The following ADSL variants were observed in gnomAD, a reference collection of about 807,000 sequenced individuals.
The protein encoded by ADSL is adenylosuccinate lyase.
ADSL carries 44 observed loss-of-function variants against 62.1 expected under a neutral mutation model. The ratio of observed to expected loss-of-function variants is 0.71; its 90% confidence interval spans 0.56 to 0.91. The LOEUF is 0.91. ADSL is among the 40% of genes least tolerant of loss of function. The pLI is 0.00. For missense variants in ADSL, 531 were observed against 627.4 expected (o/e 0.85, Z 1.64); for synonymous variants, 198 against 220.5 (o/e 0.90, Z 0.90).
chr22:40,387,079 G>A (rs2048587865), intron 2 of ADSL: 1 of 394,822 alleles, frequency 2.5e-6, no homozygotes, highest in East Asian at 3.6e-5. Context: ...TTGATAACTA[G>A]AGTTGTGCTA....
chr22:40,357,698 C>G (rs1261695426), intron 4 of ADSL, among the ~76,000 whole-genome samples: 2 of 152,248 alleles, frequency 1.3e-5, no homozygotes, highest in African/African-American at 4.8e-5. Flanking sequence ...TACTTCCAAT[C>G]TAGAGCAGCC....
At chr22:40,362,840 T>A (rs1412995137) in intron 9 of ADSL, 141 bp from the exon 10 acceptor site, 1 of 834,230 alleles carries the variant, frequency 1.2e-6, no homozygotes, top group Non-Finnish European at 2.0e-6. Context: ...GATTTGAGGG[T>A]CGTGAGGTTA....
downstream of ADSL, among the ~76,000 whole-genome samples, chr22:40,372,378 G>T (rs1004241125): frequency 8.6e-5 from 13 of 151,990 alleles, no homozygotes; most frequent in Non-Finnish European, 1.3e-4. Context: ...GCCCGCCTCG[G>T]CCTCCCAAAG....
At chr22:40,387,126 C>G (rs180710176) in intron 2 of ADSL, 1 of 397,766 alleles carries the variant, frequency 2.5e-6, no homozygotes, top group Non-Finnish European at 4.4e-6. Context: ...AGGGGTCAGT[C>G]CTTTGCTGAG....
intron 4 of ADSL, among the ~76,000 whole-genome samples, chr22:40,356,381 C>T (rs1372278342): frequency 1.3e-5 from 2 of 150,844 alleles, no homozygotes; most frequent in Non-Finnish European, 3.0e-5. Flanking sequence ...CTAAAAATAA[C>T]ACAAATAGCT....
chr22:40,349,390 T>G (rs941518284), intron 1 of ADSL, among the ~76,000 whole-genome samples: 1 of 151,340 alleles, frequency 6.6e-6, no homozygotes, highest in Non-Finnish European at 1.5e-5. Flanking sequence ...TTTTTTTTTT[T>G]TGGAGACAGA....
At chr22:40,352,389 G>A (rs1001396941) in intron 2 of ADSL, among the ~76,000 whole-genome samples, 3 of 152,106 alleles carry the variant, frequency 2.0e-5, no homozygotes, top group Non-Finnish European at 4.4e-5. Context: ...TTAGCTGGGC[G>A]TGGTGGCGGG....
At chr22:40,363,619 C>T (rs937776529) in intron 10 of ADSL, among the ~76,000 whole-genome samples, 39 of 151,724 alleles carry the variant, frequency 2.6e-4, no homozygotes, top group Non-Finnish European at 2.9e-5. Context: ...GCCTGTAATC[C>T]GAGCTACTCG....
chr22:40,382,662 G>A (rs1382332277), intron 2 of ADSL, among the ~76,000 whole-genome samples: 1 of 152,212 alleles, frequency 6.6e-6, no homozygotes, highest in Non-Finnish European at 1.5e-5. Flanking sequence ...TGGGTTCACG[G>A]GGAGTGGATG....
At chr22:40,382,519 C>T (rs1326295911) in intron 2 of ADSL, among the ~76,000 whole-genome samples, 2 of 152,184 alleles carry the variant, frequency 1.3e-5, no homozygotes, top group Non-Finnish European at 1.5e-5. Flanking sequence ...TACCTCACAG[C>T]ATGGCAGGTG....
At chr22:40,366,383 T>C (rs2045006982) in intron 12 of ADSL, 53 bp from the exon 13 acceptor site, 2 of 1,305,336 alleles carry the variant, frequency 1.5e-6, no homozygotes, top group Admixed American at 3.4e-5. Flanking sequence ...AAAGGTATTA[T>C]CTGCTAATAT....
At chr22:40,362,859 A>G in intron 9 of ADSL, 122 bp from the exon 10 acceptor site, 1 of 965,924 alleles carries the variant, frequency 1.0e-6, no homozygotes, top group South Asian at 1.3e-5. Context: ...TATTGGGGTA[A>G]TCATAAGATT....
chr22:40,363,770 A>G (rs1000694858), intron 10 of ADSL, among the ~76,000 whole-genome samples: 2 of 151,596 alleles, frequency 1.3e-5, no homozygotes, highest in Non-Finnish European at 2.9e-5. Flanking sequence ...CTATGTGGCA[A>G]CTTTTTTTAA....
At chr22:40,350,525 A>G (rs2044305922) in intron 2 of ADSL, among the ~76,000 whole-genome samples, 1 of 152,216 alleles carries the variant, frequency 6.6e-6, no homozygotes, top group Admixed American at 6.5e-5. Context: ...AATGACCTCT[A>G]TAAAATAAGA....
Position 40,367,197 on chromosome 22 carries a change from C to G in ADSL, c.*675C>G, listed in dbSNP as rs1464335449. The G allele has an allele frequency of 2.0e-5, 3 of 152,560 alleles. No individual in the cohort carries two copies. Among genetic ancestry groups the G allele is most frequent in the African/African-American group, 7.2e-5 (3 of 41,560 alleles). The allele number at this position is 152,560 out of a possible 1,614,324, so 9.5% of individuals were successfully genotyped here. A position where few individuals can be genotyped will look rare whatever the true frequency, so the allele number is the denominator to read the frequency against. On this transcript the variant is annotated 3_prime_UTR_variant, in exon 13 of 13. Transcript: ENST00000623063. ...TGTCACCCAGACTAGAGTGCAGTAGCACAATCTTGGCTCACTGCAACCTCC... is the reference window on the plus strand; with the variant it reads ...TGTCACCCAGACTAGAGTGCAGTAGGACAATCTTGGCTCACTGCAACCTCC...
At position 40,386,810 on chromosome 22, in the gene ADSL, C is replaced by T. The variant is rs541542256; in HGVS notation, c.90-3420C>T. Among the ~76,000 whole-genome samples the T allele has an allele frequency of 2.0e-5, 3 of 152,064 alleles. No homozygotes were observed. The East Asian group carries it at 5.8e-4, about 29-fold the overall frequency. The stretch of plus-strand genomic sequence containing the variant: ...CATGACTTTGTGTGAGTCCCTTTGC[C>T]CTGCACCCCAGTACTAAAGAAGTTA... On this transcript the variant is annotated intron_variant, in intron 2 of 2. Transcript: ENST00000498234.
rs529698966 is a variant in ADSL at position 40,368,785 on chromosome 22, G to C, written c.*2263G>C. On this transcript the variant is annotated 3_prime_UTR_variant, in exon 13 of 13. Transcript: ENST00000623063. ...CTACTAAAAATACAATCAACCGGGC[G>C]TGGTGGCAGGCGCCTATAGTCCCAG... The C allele has an allele frequency of 6.6e-6, 1 of 152,190 alleles. No homozygotes were observed. Among genetic ancestry groups the C allele is most frequent in the African/African-American group, 2.4e-5 (1 of 41,432 alleles). 9.4% of individuals were successfully genotyped at this position (152,190 alleles called of 1,614,324 possible).
Position 40,366,560 on chromosome 22 carries a change from C to T in ADSL, c.*38C>T. On this transcript the variant is annotated 3_prime_UTR_variant, in exon 13 of 13. Transcript: ENST00000623063. ...ATTAAACGAAAATCATTGTTAATTG[C>T]TGAGGCATGAAAATTGTGTTACTAT... 1.4e-6 allele frequency: 2 copies of T among 1,460,806 alleles called. No homozygotes were observed. 90.5% of individuals were successfully genotyped at this position (1,460,806 alleles called of 1,614,324 possible).
intron 2 of ADSL, among the ~76,000 whole-genome samples, chr22:40,380,700 C>A (rs1253812308): frequency 2.0e-5 from 3 of 152,092 alleles, no homozygotes; most frequent in African/African-American, 7.2e-5. Context: ...CTTTGGGAGG[C>A]CAAGGTAGGA....
Sources: allele counts gnomAD v4.1 joint callset (sites outside exome capture counted in the v4.1 genomes callset), GRCh38; gene constraint gnomAD v4.1.1; transcripts MANE v1.5; gene names NCBI Gene and HGNC (gene_info 2026-07-23, HGNC 2026-07-21).